Variants in CDH13 observed in about 807,000 individuals in gnomAD.
The protein encoded by CDH13 is cadherin-13.
Under a neutral mutation model 63.8 loss-of-function variants are expected in CDH13, and 24 were observed. The observed-to-expected ratio is 0.38, with a 90% CI of 0.27 to 0.53. CDH13 has a LOEUF of 0.53. Ranked by LOEUF, CDH13 falls within the 20% of genes least tolerant of loss-of-function variation. The pLI, the probability that CDH13 is intolerant of heterozygous loss-of-function variation, is 0.85. For missense variants in CDH13, 1,049 were observed against 903.1 expected (o/e 1.16, Z -2.07); for synonymous variants, 503 against 355.3 (o/e 1.42, Z -4.67).
At chr16:82,835,452 T>C (rs1178914104) in intron 1 of CDH13, among the ~76,000 whole-genome samples, 6 of 152,224 alleles carry the variant, frequency 3.9e-5, no homozygotes, top group African/African-American at 1.2e-4. Context: ...GCTGCAAATA[T>C]TGTACCCACC....
intron 1 of CDH13, among the ~76,000 whole-genome samples, chr16:82,785,201 G>A (rs1201794122): frequency 6.6e-6 from 1 of 152,132 alleles, no homozygotes; most frequent in African/African-American, 2.4e-5. Context: ...GAAATAGGAA[G>A]GGGAAGACAT....
chr16:82,879,128 T>C (rs2040604855), intron 2 of CDH13, among the ~76,000 whole-genome samples: 1 of 152,112 alleles, frequency 6.6e-6, no homozygotes, highest in African/African-American at 2.4e-5. Context: ...GCTGGGCCCA[T>C]GGTTGTGGAC....
intron 11 of CDH13, among the ~76,000 whole-genome samples, chr16:83,751,771 T>G (rs1228684010): frequency 6.6e-6 from 1 of 152,248 alleles, no homozygotes; most frequent in Non-Finnish European, 1.5e-5. Flanking sequence ...GAACATGAGC[T>G]AGAGAAATGC....
chr16:83,399,817 A>G (rs1256546245), intron 6 of CDH13, among the ~76,000 whole-genome samples: 1 of 152,176 alleles, frequency 6.6e-6, no homozygotes, highest in Non-Finnish European at 1.5e-5. Context: ...CGCCGCATTT[A>G]GCACAGTGCC....
intron 7 of CDH13, among the ~76,000 whole-genome samples, chr16:83,520,669 C>G (rs1038667412): frequency 6.6e-6 from 1 of 152,152 alleles, no homozygotes; most frequent in Non-Finnish European, 1.5e-5. Flanking sequence ...TTGATTACAG[C>G]TTCTCAGCCT....
intron 8 of CDH13, among the ~76,000 whole-genome samples, chr16:83,655,674 G>A (rs1044974609): frequency 7.9e-5 from 12 of 152,190 alleles, no homozygotes; most frequent in African/African-American, 2.7e-4. Context: ...CGAAGACAGA[G>A]GAATGTCAGC....
chr16:83,264,461 T>G (rs1907354812), intron 5 of CDH13, among the ~76,000 whole-genome samples: 1 of 152,116 alleles, frequency 6.6e-6, no homozygotes, highest in Non-Finnish European at 1.5e-5. Flanking sequence ...ATACATCGTA[T>G]ATATGTATAT....
chr16:83,060,740 A>G lies in CDH13; in HGVS notation c.366+28522A>G, dbSNP rs986459226. Among the ~76,000 whole-genome samples the G allele has an allele frequency of 1.1e-4, 16 of 152,270 alleles. No homozygotes were observed. In the East Asian group the frequency reaches 1.9e-3, roughly 18 times the overall value. ...TCTGCATTAGGATGCACAGGTTTAC[A>G]TTTTTTAAAAGCAGGTAATAACTGT... On this transcript the variant is annotated intron_variant, in intron 3 of 13. Transcript: ENST00000567109.
At chr16:82,952,717 A>G (rs1431339992) in intron 2 of CDH13, among the ~76,000 whole-genome samples, 1 of 152,208 alleles carries the variant, frequency 6.6e-6, no homozygotes, top group East Asian at 1.9e-4. Context: ...TGGTGGGCCA[A>G]CTGCAGCCCA....
chr16:83,694,870 A>G (rs768773839), intron 10 of CDH13, among the ~76,000 whole-genome samples: 1 of 152,190 alleles, frequency 6.6e-6, no homozygotes, highest in Non-Finnish European at 1.5e-5. Flanking sequence ...AAACTCAATC[A>G]TCCAGATAGA....
intron 1 of CDH13, among the ~76,000 whole-genome samples, chr16:82,734,834 C>T (rs1406192564): frequency 6.6e-6 from 1 of 152,180 alleles, no homozygotes; most frequent in Non-Finnish European, 1.5e-5. Flanking sequence ...GGAGCATCAC[C>T]TGGGTGATTG....
At chr16:83,098,877 A>G (rs780462085) in intron 3 of CDH13, among the ~76,000 whole-genome samples, 15 of 152,226 alleles carry the variant, frequency 9.9e-5, no homozygotes, top group Non-Finnish European at 1.8e-4. Context: ...TAAGACGTCA[A>G]TGCTGGGAAA....
At chr16:83,506,978 G>C (rs895813515) in intron 7 of CDH13, among the ~76,000 whole-genome samples, 2 of 152,194 alleles carry the variant, frequency 1.3e-5, no homozygotes, top group Non-Finnish European at 2.9e-5. Flanking sequence ...CAAACACTGT[G>C]TGCAATCATA....
intron 2 of CDH13, among the ~76,000 whole-genome samples, chr16:82,978,884 C>T (rs1047550071): frequency 1.8e-4 from 11 of 60,178 alleles, no homozygotes; most frequent in African/African-American, 1.4e-3. Flanking sequence ...CCACCGACAG[C>T]TTGCACCACC....
intron 10 of CDH13, among the ~76,000 whole-genome samples, chr16:83,709,152 C>G (rs568148450): frequency 1.3e-5 from 2 of 152,290 alleles, no homozygotes; most frequent in South Asian, 2.1e-4. Context: ...ATCCAGAGGT[C>G]AAGGAATGCA....
At chr16:83,081,314 G>A (rs1195028840) in intron 3 of CDH13, among the ~76,000 whole-genome samples, 1 of 152,122 alleles carries the variant, frequency 6.6e-6, no homozygotes, top group African/African-American at 2.4e-5. Flanking sequence ...GATAGACATG[G>A]TCTATATTTC....
intron 5 of CDH13, among the ~76,000 whole-genome samples, chr16:83,309,191 C>G (rs569352555): frequency 6.6e-6 from 1 of 152,170 alleles, no homozygotes; most frequent in African/African-American, 2.4e-5. Flanking sequence ...CAGCGTTATA[C>G]CGAGTGCTTG....
chr16:83,365,984 A>T (rs2091250821), intron 6 of CDH13, among the ~76,000 whole-genome samples: 1 of 152,230 alleles, frequency 6.6e-6, no homozygotes, highest in South Asian at 2.1e-4. Flanking sequence ...ACCTACTGTG[A>T]ACCCCACGGA....
At chr16:82,878,122 T>C (rs2040570220) in intron 2 of CDH13, among the ~76,000 whole-genome samples, 2 of 152,086 alleles carry the variant, frequency 1.3e-5, no homozygotes, top group African/African-American at 4.8e-5. Context: ...CCAGATTGTC[T>C]GAGCCCCAAG....
Sources: allele counts gnomAD v4.1 joint callset (sites outside exome capture counted in the v4.1 genomes callset), GRCh38; gene constraint gnomAD v4.1.1; transcripts MANE v1.5; gene names NCBI Gene and HGNC (gene_info 2026-07-23, HGNC 2026-07-21).